Variants in CERS6 observed in about 807,000 individuals in gnomAD.
CERS6 encodes the protein ceramide synthase 6, also known as LAG1 homolog, ceramide synthase 6.
In CERS6, 26 loss-of-function variants were observed where a neutral mutation model predicts 56.8. The ratio of observed to expected loss-of-function variants is 0.46; its 90% CI spans 0.34 to 0.63. CERS6 has a LOEUF of 0.63. Ranked by LOEUF, CERS6 falls within the 30% of genes least tolerant of loss-of-function variation. The probability of loss-of-function intolerance (pLI) is 0.01; values close to 1 mark genes in which losing one functional copy is unlikely to be tolerated. For missense variants in CERS6, 415 were observed against 467.5 expected (o/e 0.89, Z 1.04); for synonymous variants, 164 against 173.3 (o/e 0.95, Z 0.42).
At position 168,715,074 on chromosome 2, in the gene CERS6, C is replaced by A; in HGVS notation, c.683C>A (p.Ala228Asp). The change falls in exon 7 of 10, where the codon GCC becomes GAC. Residue 228 changes from alanine (A) to aspartate (D), a missense_variant. Coordinates refer to ENST00000305747, the MANE Select transcript of CERS6 (RefSeq NM_203463.3). The stretch of plus-strand genomic sequence containing the variant: ...ACCTTTTCATATGTCAACAATATGG[C>A]CCGAGTAGGAACGCTGGTCCTTTGT... ...LITFSYVNNM[A>D]RVGTLVLCLH... is the part of the protein sequence containing the mutation. 1 of 1,612,508 alleles carries A rather than the reference C, an allele frequency of 6.2e-7. No homozygotes were observed. The highest frequency in any genetic ancestry group is 1.1e-5 in the South Asian group (1 of 90,808).
At chr2:168,724,160 G>A (rs1474030070) in intron 8 of CERS6, among the ~76,000 whole-genome samples, 1 of 152,038 alleles carries the variant, frequency 6.6e-6, no homozygotes, top group Non-Finnish European at 1.5e-5. Flanking sequence ...TGGTGGGTTC[G>A]TGGTCTCGCT....
chr2:168,661,613 T>C (rs751064226), intron 4 of CERS6, among the ~76,000 whole-genome samples: 4 of 152,202 alleles, frequency 2.6e-5, no homozygotes, highest in Non-Finnish European at 5.9e-5. Context: ...ATGCCTGACA[T>C]TTTCGCTCAA....
chr2:168,709,468 A>G (rs1687035746), intron 6 of CERS6, among the ~76,000 whole-genome samples: 1 of 152,146 alleles, frequency 6.6e-6, no homozygotes, highest in African/African-American at 2.4e-5. Flanking sequence ...ATAAAGGTCA[A>G]CATTAGGGTA....
intron 2 of CERS6, among the ~76,000 whole-genome samples, chr2:168,550,497 G>T (rs1309659010): frequency 6.6e-6 from 1 of 152,036 alleles, no homozygotes; most frequent in Non-Finnish European, 1.5e-5. Context: ...TTTATTTGTC[G>T]TGTAATGTCA....
At chr2:168,718,956 A>C (rs1208805834) in intron 8 of CERS6, among the ~76,000 whole-genome samples, 1 of 152,260 alleles carries the variant, frequency 6.6e-6, no homozygotes, top group Admixed American at 6.5e-5. Flanking sequence ...CTGGGTCTTC[A>C]TTCTAAGTAC....
At chr2:168,502,394 G>A (rs1694599082) in intron 1 of CERS6, among the ~76,000 whole-genome samples, 1 of 152,100 alleles carries the variant, frequency 6.6e-6, no homozygotes, top group Non-Finnish European at 1.5e-5. Flanking sequence ...GAGGAGTAGA[G>A]GTAGAAAGAG....
At chr2:168,741,899 G>C (rs1351665587) in intron 8 of CERS6, among the ~76,000 whole-genome samples, 1 of 152,172 alleles carries the variant, frequency 6.6e-6, no homozygotes, top group Non-Finnish European at 1.5e-5. Flanking sequence ...GGTGGCATCT[G>C]AAAACATCAG....
In CERS6 at chr2:168,620,021, A is replaced by G. The variant is rs1208773235; in HGVS notation, c.408-10964A>G. On this transcript the variant is annotated intron_variant, in intron 3 of 9. Transcript: ENST00000305747. ...GGCTGGTTCCACAATCCATACACAC[A>G]CACACACACACACACACACACACAC... Among the ~76,000 whole-genome samples, 19 of 106,030 alleles carry G rather than the reference A, an allele frequency of 1.8e-4. No homozygotes were observed. In the South Asian group the frequency reaches 5.6e-3, roughly 31 times the overall value. 69.6% of individuals were successfully genotyped at this position (106,030 alleles called of 152,430 possible).
intron 8 of CERS6, among the ~76,000 whole-genome samples, chr2:168,755,876 T>G (rs1684402787): frequency 6.6e-6 from 1 of 152,220 alleles, no homozygotes; most frequent in African/African-American, 2.4e-5. Flanking sequence ...ACTTTGAAGC[T>G]AAAACAATCT....
At chr2:168,670,083 A>T (rs1465375129) in intron 4 of CERS6, among the ~76,000 whole-genome samples, 1 of 152,216 alleles carries the variant, frequency 6.6e-6, no homozygotes, top group East Asian at 1.9e-4. Flanking sequence ...AATAAAATCA[A>T]TGACATCTAT....
intron 1 of CERS6, among the ~76,000 whole-genome samples, chr2:168,545,327 G>A (rs1051767051): frequency 6.6e-6 from 1 of 152,040 alleles, no homozygotes. Flanking sequence ...TGTTAACAAA[G>A]CATCATATTT....
intron 8 of CERS6, among the ~76,000 whole-genome samples, chr2:168,746,776 T>G (rs75497242): frequency 4.2e-3 from 54 of 12,844 alleles, no homozygotes; most frequent in Admixed American, 5.7e-3. Context: ...GGGTAAAGGG[T>G]ATATATATAT....
intron 4 of CERS6, among the ~76,000 whole-genome samples, chr2:168,660,424 A>G (rs1444525605): frequency 2.0e-5 from 3 of 152,142 alleles, no homozygotes; most frequent in Non-Finnish European, 4.4e-5. Context: ...GGCCCTGGTA[A>G]TGTTTTCACC....
chr2:168,562,353 G>A (rs1204440710), intron 3 of CERS6, among the ~76,000 whole-genome samples: 1 of 152,180 alleles, frequency 6.6e-6, no homozygotes, highest in African/African-American at 2.4e-5. Context: ...AACAACAGTG[G>A]GCCCAGGGGA....
intron 1 of CERS6, among the ~76,000 whole-genome samples, chr2:168,458,407 A>T (rs1693715520): frequency 6.6e-6 from 1 of 152,242 alleles, no homozygotes; most frequent in Non-Finnish European, 1.5e-5. Context: ...GTTAGAATGG[A>T]GATGGCTTTG....
chr2:168,547,734 C>G, intron 2 of CERS6, 33 bp downstream of exon 2: 1 of 1,383,628 alleles, frequency 7.2e-7, no homozygotes, highest in Non-Finnish European at 1.0e-6. Context: ...TATAGATTGT[C>G]CCCGGTCACC....
At chr2:168,459,606 A>G (rs550910931) in intron 1 of CERS6, among the ~76,000 whole-genome samples, 275 of 151,872 alleles carry the variant, frequency 1.8e-3, no homozygotes, top group Middle Eastern at 0.017. Context: ...GTAGCGACCA[A>G]TTGATTGACA....
chr2:168,705,268 A>C (rs77513506), intron 6 of CERS6, among the ~76,000 whole-genome samples: 4,685 of 152,262 alleles, frequency 0.031, 235 homozygotes, highest in African/African-American at 0.11. Flanking sequence ...GGCACATGAG[A>C]ATTAGGCAAA....
At chr2:168,743,628 A>G (rs1683995445) in intron 8 of CERS6, among the ~76,000 whole-genome samples, 1 of 152,230 alleles carries the variant, frequency 6.6e-6, no homozygotes, top group African/African-American at 2.4e-5. Context: ...TGTTTTAAAC[A>G]TAATAAGCCT....
Sources: gnomAD v4.1 joint callset for allele counts (sites outside exome capture counted in the v4.1 genomes callset) on GRCh38, gnomAD v4.1.1 for gene constraint, MANE v1.5 for transcripts, NCBI Gene and HGNC (gene_info 2026-07-23, HGNC 2026-07-21) for gene names.